Variants in DYRK2 observed in about 807,000 individuals in gnomAD.
DYRK2 encodes the protein dual specificity tyrosine-phosphorylation-regulated kinase 2.
A neutral mutation model predicts 41.6 loss-of-function variants in DYRK2; 12 were observed. The observed-to-expected ratio is 0.29, with a 90% CI of 0.18 to 0.47. DYRK2 has a LOEUF of 0.47. DYRK2 is among the 20% of genes least tolerant of loss of function. DYRK2 has a pLI of 1.00. For missense variants in DYRK2, 678 were observed against 798.4 expected (o/e 0.85, Z 1.82); for synonymous variants, 322 against 315.7 (o/e 1.02, Z -0.21).
At chr12:67,654,020 C>A (rs867143714) in intron 2 of DYRK2, among the ~76,000 whole-genome samples, 1 of 152,180 alleles carries the variant, frequency 6.6e-6, no homozygotes, top group Non-Finnish European at 1.5e-5. Flanking sequence ...CTTATTTAAT[C>A]CCCCTAAAAG....
chr12:67,651,131 C>T (rs1238010703), intron 2 of DYRK2, among the ~76,000 whole-genome samples: 2 of 152,146 alleles, frequency 1.3e-5, no homozygotes, highest in East Asian at 3.8e-4. Context: ...CATCTGGTCC[C>T]AGGGGCTGGG....
chr12:67,655,001 AG>A (rs1565803452), intron 2 of DYRK2, among the ~76,000 whole-genome samples: 2 of 152,240 alleles, frequency 1.3e-5, no homozygotes, highest in Non-Finnish European at 2.9e-5. Context: ...AAGGTTAGGT[AG>A]TAGTTGATGC....
chr12:67,662,335 T>A lies in DYRK2; in HGVS notation c.*3622T>A, dbSNP rs998095021. 3.6e-5 allele frequency: 6 copies of A among 167,076 alleles called. No individual in the cohort carries two copies. Among genetic ancestry groups the A allele is most frequent in the African/African-American group, 1.4e-4 (6 of 41,454 alleles). 10.3% of individuals were successfully genotyped at this position (167,076 alleles called of 1,614,324 possible). A position where few individuals can be genotyped will look rare whatever the true frequency, so the allele number is the denominator to read the frequency against. On this transcript the variant is annotated 3_prime_UTR_variant, in exon 3 of 3. Transcript: ENST00000344096. ...TTGTAATTATACTCAGCTCAACTGC[T>A]ACAGTTCTGTCTAGGCAGTGGCTTG...
Position 67,663,232 on chromosome 12 carries a change from A to AT in DYRK2, c.*4520dup, listed in dbSNP as rs1420450166. 1 of 152,046 alleles carries AT rather than the reference A, an allele frequency of 6.6e-6. No individual in the cohort carries two copies. The highest frequency in any genetic ancestry group is 1.5e-5 in the Non-Finnish European group (1 of 67,992). The allele number at this position is 152,046 out of a possible 1,614,324, so 9.4% of individuals were successfully genotyped here. A position where few individuals can be genotyped will look rare whatever the true frequency, so the allele number is the denominator to read the frequency against. On this transcript the variant is annotated 3_prime_UTR_variant, in exon 3 of 3. Transcript: ENST00000344096. The stretch of plus-strand genomic sequence containing the variant: ...TCTCCTGCCTCGGTTGGCTCAGAAA[A>AT]TAAGGCCTAGGAACTGCAATTAGCT...
In DYRK2 at chr12:67,657,073, C is replaced by G; in HGVS notation, c.199-33C>G. ...TACACCATTTGAACAGACACCACTT[C>G]TTTTCTATTTATATTTCCTGTCTGA... On this transcript the variant is annotated intron_variant, in intron 2 of 2. Transcript: ENST00000344096. The surrounding 1 kb of genome is among the most constrained non-coding windows in gnomAD (Gnocchi z 4.8). The G allele has an allele frequency of 6.6e-7, 1 of 1,525,952 alleles. No individual in the cohort carries two copies. Among genetic ancestry groups the G allele is most frequent in the Non-Finnish European group, 8.8e-7 (1 of 1,136,482 alleles). 94.5% of individuals were successfully genotyped at this position (1,525,952 alleles called of 1,614,324 possible).
At position 67,664,851 on chromosome 12, in the gene DYRK2, G is replaced by A. The variant is rs1456991897; in HGVS notation, c.*6138G>A. 6.6e-6 allele frequency: 1 copy of A among 152,126 alleles called. No individual in the cohort carries two copies. The highest frequency in any genetic ancestry group is 1.5e-5 in the Non-Finnish European group (1 of 67,994). 9.4% of individuals were successfully genotyped at this position (152,126 alleles called of 1,614,324 possible). ...ACCCTCAGTTAATTTGTAAGAGAGTGACTTCTCATTGTTATTTGTGGAGAG... is the reference window on the plus strand; with the variant it reads ...ACCCTCAGTTAATTTGTAAGAGAGTAACTTCTCATTGTTATTTGTGGAGAG... On this transcript the variant is annotated 3_prime_UTR_variant, in exon 3 of 3. Coordinates refer to ENST00000344096, the MANE Select transcript of DYRK2 (RefSeq NM_006482.3).
chr12:67,658,043 T>A lies in DYRK2; in HGVS notation c.1136T>A (p.Val379Asp). ...FGSSCYEHQR[V>D]YTYIQSRFYR... ...TCCAGTTGTTACGAGCATCAGCGTG[T>A]CTACACGTACATCCAGTCGCGTTTT... is the stretch of plus-strand genomic sequence containing the variant. The change falls in exon 3 of 3, where the codon GTC (valine) becomes GAC (aspartate). Residue 379 changes from valine (V) to aspartate (D), a missense_variant. Around this residue, in one of 2 missense-constraint regions of DYRK2, gnomAD observed 393 missense variants for 519.1 expected, o/e 0.76. Coordinates refer to ENST00000344096, the MANE Select transcript of DYRK2 (RefSeq NM_006482.3). This position sits in a 1 kb window ranked among gnomAD's most constrained non-coding sequence, Gnocchi z 4.3. 6.2e-7 allele frequency: 1 copy of A among 1,614,264 alleles called. No homozygotes were observed. The highest frequency in any genetic ancestry group is 8.5e-7 in the Non-Finnish European group (1 of 1,180,052).
intron 2 of DYRK2, among the ~76,000 whole-genome samples, chr12:67,654,074 C>T (rs1176179498): frequency 6.6e-6 from 1 of 152,190 alleles, no homozygotes. Context: ...CAGACAAGGG[C>T]ACTGAGGTTA....
At chr12:67,652,852 C>T (rs554958346) in intron 2 of DYRK2, among the ~76,000 whole-genome samples, 19 of 152,108 alleles carry the variant, frequency 1.2e-4, no homozygotes, top group African/African-American at 3.6e-4. Flanking sequence ...TTTTTTGAGA[C>T]GGAGTCTCAC....
chr12:67,652,274 CTG>C (rs1872343907), intron 2 of DYRK2, among the ~76,000 whole-genome samples: 1 of 152,120 alleles, frequency 6.6e-6, no homozygotes, highest in South Asian at 2.1e-4. Flanking sequence ...TGCCCAATCA[CTG>C]TCTTACTTCC....
At chr12:67,656,082 G>C (rs1872460681) in intron 2 of DYRK2, among the ~76,000 whole-genome samples, 2 of 152,266 alleles carry the variant, frequency 1.3e-5, no homozygotes, top group South Asian at 4.2e-4. Context: ...TAAGACTAGG[G>C]GTTGTCCAAG....
In DYRK2 at chr12:67,657,822, C is replaced by T. The variant is rs780096491; in HGVS notation, c.915C>T (p.Ser305=). The T allele has an allele frequency of 6.8e-6, 11 of 1,614,116 alleles. No homozygotes were observed. The highest frequency in any genetic ancestry group is 1.1e-5 in the South Asian group (1 of 91,088). ...NHICMTFELL[S]MNLYELIKKN... ...TCTGCATGACGTTTGAGCTGCTGAG[C>T]ATGAACCTCTATGAGCTCATCAAGA... The change falls in exon 3 of 3, where the codon AGC becomes AGT. Residue 305 remains serine, a synonymous_variant. Coordinates refer to ENST00000344096, the MANE Select transcript of DYRK2 (RefSeq NM_006482.3). This position sits in a 1 kb window ranked among gnomAD's most constrained non-coding sequence, Gnocchi z 4.8.
Position 67,662,161 on chromosome 12 carries a change from CAGA to C in DYRK2, c.*3452_*3454del, listed in dbSNP as rs1872641252. On this transcript the variant is annotated 3_prime_UTR_variant, in exon 3 of 3. Transcript: ENST00000344096. ...TTTCATCAAAAATATTTCTGGTAAGCAGAAGACTTTTTAAAAAAACTGATCTGG... is the reference window on the plus strand; with the variant it reads ...TTTCATCAAAAATATTTCTGGTAAGCAGACTTTTTAAAAAAACTGATCTGG... 6.0e-6 allele frequency: 1 copy of C among 166,170 alleles called. No individual in the cohort carries two copies. The allele number at this position is 166,170 out of a possible 1,614,324, so 10.3% of individuals were successfully genotyped here. A position where few individuals can be genotyped will look rare whatever the true frequency, so the allele number is the denominator to read the frequency against.
In DYRK2 at chr12:67,662,603, T is replaced by C. The variant is rs1872654990; in HGVS notation, c.*3890T>C. ...GGAGTAAGACTGTTTAGTGAATATC[T>C]GTTAAATTTTATTGTTGTGGCCAGA... On this transcript the variant is annotated 3_prime_UTR_variant, in exon 3 of 3. Coordinates refer to ENST00000344096, the MANE Select transcript of DYRK2 (RefSeq NM_006482.3). 1.2e-5 allele frequency: 2 copies of C among 166,830 alleles called. No individual in the cohort carries two copies. The highest frequency in any genetic ancestry group is 2.9e-5 in the Non-Finnish European group (2 of 68,084). The allele number at this position is 166,830 out of a possible 1,614,324, so 10.3% of individuals were successfully genotyped here.
rs1341912636 is a variant in DYRK2 at position 67,657,323 on chromosome 12, C to T, written c.416C>T (p.Ser139Phe). The change falls in exon 3 of 3, where the codon TCT (serine) becomes TTT (phenylalanine). Residue 139 changes from serine (S) to phenylalanine (F), a missense_variant. By Grantham distance (155) the Ser-to-Phe change is radical. Coordinates refer to ENST00000344096, the MANE Select transcript of DYRK2 (RefSeq NM_006482.3). The surrounding 1 kb of genome is among the most constrained non-coding windows in gnomAD (Gnocchi z 4.8). Reference protein sequence around the residue: ...SIHRRQGSSTSLKSMEGMGKV... With the variant: ...SIHRRQGSSTFLKSMEGMGKV... ...CATAGACGGCAGGGGAGCTCCACCT[C>T]TCTAAAGTCCATGGAAGGCATGGGG... 2 of 1,613,860 alleles carry T rather than the reference C, an allele frequency of 1.2e-6. No individual in the cohort carries two copies. Among genetic ancestry groups the T allele is most frequent in the Non-Finnish European group, 1.7e-6 (2 of 1,179,978 alleles).
In DYRK2 at chr12:67,649,737, G is replaced by A. The variant is rs1227214269; in HGVS notation, c.50-60G>A. Reference sequence around the variant, plus strand: ...CGCTGCCCAGCGGGGTTGGAGGGGGGGTCTGGGTGACTTTCTCCCCCCTGA... The same window carrying A: ...CGCTGCCCAGCGGGGTTGGAGGGGGAGTCTGGGTGACTTTCTCCCCCCTGA... On this transcript the variant is annotated intron_variant, in intron 1 of 2. Transcript: ENST00000344096. The A allele has an allele frequency of 2.3e-6, 3 of 1,297,780 alleles. No individual in the cohort carries two copies. The African/African-American group carries it at 4.5e-5, about 20-fold the overall frequency. 80.4% of individuals were successfully genotyped at this position (1,297,780 alleles called of 1,614,324 possible).
Position 67,660,853 on chromosome 12 carries a change from T to TCTTCC in DYRK2, c.*2141_*2145dup, listed in dbSNP as rs1314218421. ...TGCTGTTTTGCTCTTCTAATGCTCC[T>TCTTCC]CTTCCATTTCCAGTTATCTTCACAT... On this transcript the variant is annotated 3_prime_UTR_variant, in exon 3 of 3. Transcript: ENST00000344096. 1 of 166,912 alleles carries TCTTCC rather than the reference T, an allele frequency of 6.0e-6. No homozygotes were observed. Among genetic ancestry groups the TCTTCC allele is most frequent in the Non-Finnish European group, 1.5e-5 (1 of 68,112 alleles). 10.3% of individuals were successfully genotyped at this position (166,912 alleles called of 1,614,324 possible).
Position 67,658,615 on chromosome 12 carries a change from T to A in DYRK2, c.1708T>A (p.Ser570Thr), listed in dbSNP as rs138264226. 2 of 1,614,036 alleles carry A rather than the reference T, an allele frequency of 1.2e-6. No homozygotes were observed. The highest frequency in any genetic ancestry group is 1.7e-6 in the Non-Finnish European group (2 of 1,180,038). Residue 570 changes from serine (S) to threonine (T), a missense_variant, in exon 3 of 3, where the codon TCT (serine) becomes ACT (threonine). Ser to Thr is a moderately conservative substitution (Grantham distance 58). Coordinates refer to ENST00000344096, the MANE Select transcript of DYRK2 (RefSeq NM_006482.3). This position sits in a 1 kb window ranked among gnomAD's most constrained non-coding sequence, Gnocchi z 4.3. ...ATCTATATCCAAGTTACCTCCACCTTCTAGCTCAGCTTCCAAACTGAGGAC... is the reference window on the plus strand; with the variant it reads ...ATCTATATCCAAGTTACCTCCACCTACTAGCTCAGCTTCCAAACTGAGGAC... ...ITSISKLPPP[S>T]SSASKLRTNL... is the part of the protein sequence containing the mutation.
In DYRK2 at chr12:67,649,172, C is replaced by G. The variant is rs1872227217; in HGVS notation, c.39C>G (p.Ala13=). Reference sequence around the variant, plus strand: ...AACCTTCGGCCGCCGCTCCCGCCGCCTACCCGACCGGTAAGGAGGCCGTGC... The same window carrying G: ...AACCTTCGGCCGCCGCTCCCGCCGCGTACCCGACCGGTAAGGAGGCCGTGC... ...TRKPSAAAPA[A]YPTGRGGDSA... Residue 13 remains alanine, a synonymous_variant, in exon 1 of 3, where the codon GCC becomes GCG. Transcript: ENST00000344096. 1 of 1,512,512 alleles carries G rather than the reference C, an allele frequency of 6.6e-7. No homozygotes were observed. The highest frequency in any genetic ancestry group is 1.2e-5 in the South Asian group (1 of 81,742). 93.7% of individuals were successfully genotyped at this position (1,512,512 alleles called of 1,614,324 possible).
Sources: allele counts gnomAD v4.1 joint callset (sites outside exome capture counted in the v4.1 genomes callset), GRCh38; gene constraint gnomAD v4.1.1; regional missense constraint gnomAD v4.1.1; non-coding constraint Gnocchi (gnomAD v3.1); transcripts MANE v1.5; gene names NCBI Gene and HGNC (gene_info 2026-07-23, HGNC 2026-07-21).